Variants in COQ2 observed in about 807,000 individuals in gnomAD.
COQ2 encodes the protein coenzyme Q2, polyprenyltransferase, also known as 4-hydroxybenzoate polyprenyltransferase, mitochondrial.
COQ2 carries 25 observed loss-of-function variants against 35.7 expected under a neutral mutation model. That is an observed-to-expected ratio of 0.70 (90% CI 0.51 to 0.98). The LOEUF (loss-of-function observed/expected upper bound fraction) is 0.98, where lower values mean the gene tolerates loss of function less well. Ranked by LOEUF, COQ2 falls within the 50% of genes least tolerant of loss-of-function variation. The probability of loss-of-function intolerance (pLI) is 0.00; values close to 1 mark genes in which losing one functional copy is unlikely to be tolerated. For missense variants in COQ2, 488 were observed against 473.5 expected, an observed-to-expected ratio of 1.03 and a Z score of -0.28; for synonymous variants, 206 against 186.2, an observed-to-expected ratio of 1.11 and a Z score of -0.86.
In COQ2 at chr4:83,275,415, C is replaced by T. The variant is rs556733966; in HGVS notation, c.421-1798G>A. On this transcript the variant is annotated intron_variant, in intron 2 of 6. Transcript: ENST00000647002. ...TTTCCACTGGCCCCTGCCAAGTAGG[C>T]TTTTTTTTTTTTAATTATTTTTTAT... Among the ~76,000 whole-genome samples the T allele has an allele frequency of 2.4e-3, 357 of 148,040 alleles. 2 individuals carry two copies. Among genetic ancestry groups the T allele is most frequent in the African/African-American group, 8.2e-3 (333 of 40,438 alleles).
intron 1 of COQ2, among the ~76,000 whole-genome samples, chr4:83,279,586 A>AAT (rs143582086): frequency 0.027 from 4,020 of 150,458 alleles, 143 homozygotes; most frequent in African/African-American, 0.082. Flanking sequence ...TGTGTATATA[A>AAT]ATATATATAT....
intron 1 of COQ2, 71 bp from the exon 2 acceptor site, chr4:83,279,185 C>A: frequency 6.9e-7 from 1 of 1,441,744 alleles, no homozygotes; most frequent in South Asian, 1.5e-5. Flanking sequence ...GTTTAAACAT[C>A]ACATACCAAA....
At chr4:83,283,158 A>T in intron 1 of COQ2, 1 of 399,902 alleles carries the variant, frequency 2.5e-6, no homozygotes, top group Non-Finnish European at 3.4e-6. Context: ...GTTATAACTT[A>T]GTGCTCTAAT....
At chr4:83,268,348 T>C (rs1001493298) in intron 5 of COQ2, among the ~76,000 whole-genome samples, 1 of 152,226 alleles carries the variant, frequency 6.6e-6, no homozygotes, top group Non-Finnish European at 1.5e-5. Flanking sequence ...TATAACCACA[T>C]GTAGCTGCCT....
chr4:83,267,767 C>T lies in COQ2; in HGVS notation c.770G>A (p.Arg257Lys). Residue 257 changes from arginine (R) to lysine (K), a missense_variant, in exon 6 of 7, where the codon AGA (arginine) becomes AAA (lysine). Physicochemically the swap from Arg to Lys is conservative, Grantham distance 26. Transcript: ENST00000647002. ...CTTAAGACCAATCAAAACATCATCT[C>T]TTTTGTCCTAATATCAGAAAGAAAA... ...YDTIYAHQDK[R>K]DDVLIGLKST... 6.5e-7 allele frequency: 1 copy of T among 1,544,836 alleles called. No individual in the cohort carries two copies. The highest frequency in any genetic ancestry group is 8.7e-7 in the Non-Finnish European group (1 of 1,144,682).
At chr4:83,280,149 T>C (rs141823663) in intron 1 of COQ2, among the ~76,000 whole-genome samples, 1,910 of 152,308 alleles carry the variant, frequency 0.013, 45 homozygotes, top group African/African-American at 0.044. Flanking sequence ...ACTTTGCAGC[T>C]ACATGTACAA....
At chr4:83,276,090 A>C (rs1735175658) in intron 2 of COQ2, among the ~76,000 whole-genome samples, 2 of 132,126 alleles carry the variant, frequency 1.5e-5, no homozygotes, top group Admixed American at 7.6e-5. Flanking sequence ...ATATATATAC[A>C]TATTCATATA....
chr4:83,279,224 AC>A (rs752205959), intron 1 of COQ2, 110 bp from the exon 2 acceptor site: 61 of 1,287,032 alleles, frequency 4.7e-5, no homozygotes, highest in Middle Eastern at 2.7e-4. Flanking sequence ...AGTCAAAAAA[AC>A]AAATGACAAA....
Position 83,264,095 on chromosome 4 carries a change from T to G in COQ2, c.*104A>C. ...CAGGTAAATATGCTCTAAATCTTCA[T>G]CTTCAGGTTCTTAATTCTTTAACAT... is the stretch of plus-strand genomic sequence containing the variant. On this transcript the variant is annotated 3_prime_UTR_variant, in exon 7 of 7. Coordinates refer to ENST00000647002, the MANE Select transcript of COQ2 (RefSeq NM_001358921.2). The G allele has an allele frequency of 6.9e-6, 5 of 729,878 alleles. No homozygotes were observed. Among genetic ancestry groups the G allele is most frequent in the Non-Finnish European group, 1.1e-5 (5 of 475,822 alleles). The allele number at this position is 729,878 out of a possible 1,614,324, so 45.2% of individuals were successfully genotyped here.
Position 83,270,004 on chromosome 4 carries a change from C to G in COQ2, c.629-11G>C, listed in dbSNP as rs754026311. The G allele has an allele frequency of 6.2e-7, 1 of 1,610,358 alleles. No individual in the cohort carries two copies. Among genetic ancestry groups the G allele is most frequent in the Non-Finnish European group, 8.5e-7 (1 of 1,178,828 alleles). On this transcript the variant is annotated splice_polypyrimidine_tract_variant and intron_variant, in intron 4 of 6. Transcript: ENST00000647002. ...AATTAAATGTCAAGCCTACAATTAG[C>G]AAAACACAAAAAGGGGGAAAGTCTG...
intron 6 of COQ2, among the ~76,000 whole-genome samples, chr4:83,266,244 C>T (rs1056058724): frequency 6.6e-6 from 1 of 152,186 alleles, no homozygotes; most frequent in Non-Finnish European, 1.5e-5. Context: ...TTACAGACAT[C>T]AGATTCTGAT....
chr4:83,269,657 C>T (rs1451029481), intron 5 of COQ2, among the ~76,000 whole-genome samples: 1 of 151,820 alleles, frequency 6.6e-6, no homozygotes, highest in East Asian at 1.9e-4. Context: ...GGTAAACACA[C>T]ATAAACATAA....
chr4:83,279,675 CAT>C (rs1735269568), intron 1 of COQ2, among the ~76,000 whole-genome samples: 1 of 151,896 alleles, frequency 6.6e-6, no homozygotes, highest in African/African-American at 2.4e-5. Context: ...ACACTAGAAA[CAT>C]ATAATAATGG....
upstream of COQ2, chr4:83,284,920 T>A: frequency 6.7e-7 from 1 of 1,502,316 alleles, no homozygotes; most frequent in Non-Finnish European, 8.8e-7. Context: ...GTCATCGTGG[T>A]CGCTTACTCT....
chr4:83,278,992 C>T lies in COQ2; in HGVS notation c.376G>A (p.Gly126Ser). ...TCCCACATGTCATTAATAGTACAGC[C>T]TGCTCCACGCATCAGAATAGCTCCA... ...GTGAILMRGAGCTINDMWDQD... is the reference protein window; with the variant it reads ...GTGAILMRGASCTINDMWDQD... Residue 126 changes from glycine to serine, a missense_variant, in exon 2 of 7, where the codon GGC (glycine) becomes AGC (serine). Gly to Ser is a moderately conservative substitution (Grantham distance 56). Transcript: ENST00000647002. 6.2e-7 allele frequency: 1 copy of T among 1,609,432 alleles called. No homozygotes were observed. Among genetic ancestry groups the T allele is most frequent in the South Asian group, 1.1e-5 (1 of 89,922 alleles).
At chr4:83,277,930 C>T (rs114115065) in intron 2 of COQ2, among the ~76,000 whole-genome samples, 1,619 of 151,426 alleles carry the variant, frequency 0.011, 37 homozygotes, top group African/African-American at 0.037. Flanking sequence ...GCTCGCACCA[C>T]TGCACTCCAG....
chr4:83,267,352 G>A (rs1466654481), intron 6 of COQ2: 3 of 434,294 alleles, frequency 6.9e-6, no homozygotes, highest in African/African-American at 6.1e-5. Context: ...ACTCCAGCCT[G>A]GATGACAGGC....
chr4:83,269,770 C>T (rs1735001998), intron 5 of COQ2, 90 bp downstream of exon 5: 1 of 1,160,964 alleles, frequency 8.6e-7, no homozygotes, highest in Non-Finnish European at 1.2e-6. Context: ...AAAACAACAA[C>T]AAATTTTAGA....
chr4:83,265,480 G>A (rs900289310), intron 6 of COQ2, among the ~76,000 whole-genome samples: 3 of 152,050 alleles, frequency 2.0e-5, no homozygotes, highest in African/African-American at 4.8e-5. Flanking sequence ...GCTGAGGCAC[G>A]AGAATCGCTT....
Sources: gnomAD v4.1 joint callset for allele counts (sites outside exome capture counted in the v4.1 genomes callset) on GRCh38, gnomAD v4.1.1 for gene constraint, MANE v1.5 for transcripts, NCBI Gene and HGNC (gene_info 2026-07-23, HGNC 2026-07-21) for gene names.